The following CNTNAP5 variants were observed in gnomAD, a reference collection of about 807,000 sequenced individuals.
The protein encoded by CNTNAP5 is contactin-associated protein-like 5.
In CNTNAP5, 72 loss-of-function variants were observed where a neutral mutation model predicts 150.2. The observed-to-expected ratio is 0.48, with a 90% CI of 0.40 to 0.58. The LOEUF is 0.58. Ranked by LOEUF, CNTNAP5 falls within the 20% of genes least tolerant of loss-of-function variation. The probability of loss-of-function intolerance (pLI) is 0.00; values close to 1 mark genes in which losing one functional copy is unlikely to be tolerated. For synonymous variants in CNTNAP5, 672 were observed against 619.8 expected (o/e 1.08, Z -1.25); for missense variants, 1,636 against 1,626.2 (o/e 1.01, Z -0.10).
intron 3 of CNTNAP5, among the ~76,000 whole-genome samples, chr2:124,373,964 A>T (rs1340706585): frequency 6.6e-6 from 1 of 151,966 alleles, no homozygotes; most frequent in Non-Finnish European, 1.5e-5. Context: ...AAGACAATAT[A>T]TTTGCAGTGT....
intron 19 of CNTNAP5, among the ~76,000 whole-genome samples, chr2:124,812,475 C>A (rs1185380408): frequency 2.0e-5 from 3 of 151,874 alleles, no homozygotes; most frequent in Non-Finnish European, 4.4e-5. Flanking sequence ...CTGCATTATA[C>A]CCTCCCCACT....
chr2:124,259,975 C>A (rs962549324), intron 3 of CNTNAP5, among the ~76,000 whole-genome samples: 1 of 152,164 alleles, frequency 6.6e-6, no homozygotes, highest in Non-Finnish European at 1.5e-5. Flanking sequence ...CCATCCCCAT[C>A]AAGCTACCAA....
intron 1 of CNTNAP5, among the ~76,000 whole-genome samples, chr2:124,196,560 G>C (rs969151852): frequency 2.0e-5 from 3 of 152,168 alleles, no homozygotes; most frequent in Non-Finnish European, 4.4e-5. Flanking sequence ...TTAACAGAGA[G>C]ATGTCTGTTG....
chr2:124,054,028 A>C (rs968873100), intron 1 of CNTNAP5, among the ~76,000 whole-genome samples: 1 of 152,248 alleles, frequency 6.6e-6, no homozygotes, highest in Non-Finnish European at 1.5e-5. Context: ...TTACTGGAAC[A>C]AAGTGGCATC....
intron 19 of CNTNAP5, among the ~76,000 whole-genome samples, chr2:124,835,976 G>C (rs532168164): frequency 1.3e-5 from 2 of 152,224 alleles, no homozygotes; most frequent in East Asian, 3.9e-4. Flanking sequence ...CTTTTAGTTA[G>C]ATTATTCAGA....
At chr2:124,559,701 C>T (rs746416421) in intron 10 of CNTNAP5, among the ~76,000 whole-genome samples, 2 of 152,012 alleles carry the variant, frequency 1.3e-5, no homozygotes, top group Non-Finnish European at 2.9e-5. Context: ...GTTTATGCCA[C>T]GTAGACAGAG....
intron 2 of CNTNAP5, among the ~76,000 whole-genome samples, chr2:124,224,430 A>C (rs1686405751): frequency 6.6e-6 from 1 of 152,064 alleles, no homozygotes; most frequent in Non-Finnish European, 1.5e-5. Flanking sequence ...TATTTTGTTA[A>C]GTATGTCCAG....
At chr2:124,717,318 A>G (rs1679965254) in intron 13 of CNTNAP5, among the ~76,000 whole-genome samples, 7 of 152,188 alleles carry the variant, frequency 4.6e-5, no homozygotes, top group Admixed American at 4.6e-4. Flanking sequence ...TCAGAATGGA[A>G]TTGTGGAATT....
Position 124,135,511 on chromosome 2 carries a change from A to G in CNTNAP5, c.83-86194A>G, listed in dbSNP as rs564140220. Among the ~76,000 whole-genome samples the G allele has an allele frequency of 1.3e-3, 196 of 152,358 alleles. 1 individual carries two copies. The highest frequency in any genetic ancestry group is 2.4e-3 in the Non-Finnish European group (164 of 68,032). Reference sequence around the variant, plus strand: ...AATGGGCTTCAAGAAAGACTAGGAAAAAAAAATTAGAAAAGGAACAGGCAA... The same window carrying G: ...AATGGGCTTCAAGAAAGACTAGGAAGAAAAAATTAGAAAAGGAACAGGCAA... On this transcript the variant is annotated intron_variant, in intron 1 of 23. Transcript: ENST00000682447.
At chr2:124,258,097 C>T (rs980059030) in intron 3 of CNTNAP5, among the ~76,000 whole-genome samples, 2 of 152,032 alleles carry the variant, frequency 1.3e-5, no homozygotes, top group Non-Finnish European at 2.9e-5. Flanking sequence ...CATGCAAATG[C>T]CCTGGCATGA....
At chr2:124,391,956 A>C (rs1691124865) in intron 3 of CNTNAP5, among the ~76,000 whole-genome samples, 1 of 152,186 alleles carries the variant, frequency 6.6e-6, no homozygotes, top group Non-Finnish European at 1.5e-5. Context: ...ACTCCGTCCC[A>C]AAAACAAAAA....
At chr2:124,082,022 G>T (rs1229081078) in intron 1 of CNTNAP5, among the ~76,000 whole-genome samples, 1 of 152,074 alleles carries the variant, frequency 6.6e-6, no homozygotes, top group African/African-American at 2.4e-5. Context: ...TCTACATCCT[G>T]TAATTTTTGT....
intron 18 of CNTNAP5, among the ~76,000 whole-genome samples, chr2:124,792,216 C>T (rs762932233): frequency 2.0e-5 from 3 of 151,968 alleles, no homozygotes; most frequent in Non-Finnish European, 2.9e-5. Context: ...GTTTCATTGG[C>T]GATTTTTCCG....
chr2:124,345,272 A>G (rs1179059111), intron 3 of CNTNAP5, among the ~76,000 whole-genome samples: 6 of 152,184 alleles, frequency 3.9e-5, no homozygotes, highest in Non-Finnish European at 7.3e-5. Flanking sequence ...TATTCTAACT[A>G]TATCAGAATA....
intron 13 of CNTNAP5, among the ~76,000 whole-genome samples, chr2:124,711,000 C>T (rs986549295): frequency 2.0e-5 from 3 of 152,094 alleles, no homozygotes; most frequent in Admixed American, 1.3e-4. Context: ...AAGCTGGGCA[C>T]GGTGGCTCAC....
intron 1 of CNTNAP5, among the ~76,000 whole-genome samples, chr2:124,077,747 C>T (rs184357905): frequency 1.6e-4 from 25 of 152,244 alleles, no homozygotes; most frequent in African/African-American, 4.8e-4. Context: ...GTCTCTAATA[C>T]CAGCTTTATA....
At chr2:124,548,579 T>C (rs561651803) in intron 10 of CNTNAP5, among the ~76,000 whole-genome samples, 60 of 152,102 alleles carry the variant, frequency 3.9e-4, no homozygotes, top group African/African-American at 1.4e-3. Context: ...CTGAGTAGTA[T>C]ACTGAGCTTA....
intron 3 of CNTNAP5, among the ~76,000 whole-genome samples, chr2:124,390,956 G>A (rs1482351708): frequency 6.6e-6 from 1 of 152,196 alleles, no homozygotes; most frequent in South Asian, 2.1e-4. Flanking sequence ...ATTTGCGTTA[G>A]ACATGGGTTC....
At chr2:124,060,369 G>A (rs750498846) in intron 1 of CNTNAP5, among the ~76,000 whole-genome samples, 1 of 152,202 alleles carries the variant, frequency 6.6e-6, no homozygotes, top group African/African-American at 2.4e-5. Context: ...CAACTTACCA[G>A]GTAAAAACAG....
Sources: allele counts gnomAD v4.1 joint callset (sites outside exome capture counted in the v4.1 genomes callset), GRCh38; gene constraint gnomAD v4.1.1; transcripts MANE v1.5; gene names NCBI Gene and HGNC (gene_info 2026-07-23, HGNC 2026-07-21).